Variants in LCLAT1 observed in about 807,000 individuals in gnomAD.
LCLAT1 encodes lysocardiolipin acyltransferase 1.
A neutral mutation model predicts 30.7 loss-of-function variants in LCLAT1; 11 were observed. The ratio of observed to expected loss-of-function variants is 0.36; its 90% CI spans 0.23 to 0.59. The LOEUF (loss-of-function observed/expected upper bound fraction) is 0.59. Among genes scored for constraint, LCLAT1 ranks in the 20% least tolerant of loss-of-function variants. The pLI is 0.77. For missense variants in LCLAT1, 402 were observed against 458.6 expected, an observed-to-expected ratio of 0.88 and a Z score of 1.13; for synonymous variants, 155 against 151.3, an observed-to-expected ratio of 1.02 and a Z score of -0.18.
At chr2:30,593,696 G>C (rs2363985) in intron 5 of LCLAT1, among the ~76,000 whole-genome samples, 8,056 of 152,104 alleles carry the variant, frequency 0.053, 707 homozygotes, top group African/African-American at 0.18. Context: ...GATTCTTGTA[G>C]AAATATGAAC....
At chr2:30,540,530 A>G (rs1367906932) in intron 3 of LCLAT1, among the ~76,000 whole-genome samples, 4 of 152,232 alleles carry the variant, frequency 2.6e-5, no homozygotes, top group Admixed American at 2.6e-4. Context: ...ATCAATTTAT[A>G]TGTCAAACAA....
chr2:30,637,559 A>G lies in LCLAT1; in HGVS notation c.629-2558A>G, dbSNP rs539980073. Among the ~76,000 whole-genome samples the G allele has an allele frequency of 5.3e-5, 8 of 152,106 alleles. No individual in the cohort carries two copies. In the East Asian group the frequency reaches 1.6e-3, roughly 30 times the overall value. ...ATAGCTCAGTCACAAAGCTTTTCCC[A>G]TGGGCTTCTGACTACTGGCCCAGTT... On this transcript the variant is annotated intron_variant, in intron 5 of 5. Transcript: ENST00000379509.
chr2:30,546,396 T>G (rs759321902), intron 3 of LCLAT1, among the ~76,000 whole-genome samples: 1 of 152,282 alleles, frequency 6.6e-6, no homozygotes, highest in Middle Eastern at 3.4e-3. Context: ...TTTTTAGAGA[T>G]CATGAATAAA....
chr2:30,490,846 G>A (rs1683803135), intron 1 of LCLAT1, among the ~76,000 whole-genome samples: 1 of 152,106 alleles, frequency 6.6e-6, no homozygotes, highest in African/African-American at 2.4e-5. Context: ...GTAATACATA[G>A]CACTGACTAT....
intron 2 of LCLAT1, among the ~76,000 whole-genome samples, chr2:30,527,971 A>G (rs73922660): frequency 0.011 from 1,614 of 152,242 alleles, 23 homozygotes; most frequent in African/African-American, 0.037. Flanking sequence ...TGATGTCATC[A>G]AAGGGTTCAG....
intron 3 of LCLAT1, 89 bp downstream of exon 3, chr2:30,533,403 C>A (rs754268537): frequency 3.6e-6 from 4 of 1,105,860 alleles, no homozygotes; most frequent in Non-Finnish European, 5.5e-6. Flanking sequence ...TAAAGCGATT[C>A]CATTTTTTTC....
intron 1 of LCLAT1, among the ~76,000 whole-genome samples, chr2:30,508,210 A>AT (rs1309796732): frequency 1.3e-5 from 2 of 151,798 alleles, no homozygotes; most frequent in Non-Finnish European, 2.9e-5. Context: ...GTTTGAAAAA[A>AT]TTTTTTCCCT....
intron 1 of LCLAT1, among the ~76,000 whole-genome samples, chr2:30,467,423 C>A (rs1303206290): frequency 6.6e-6 from 1 of 152,198 alleles, no homozygotes; most frequent in Non-Finnish European, 1.5e-5. Context: ...TTTATAGCAG[C>A]ATGATTTATA....
chr2:30,563,953 T>C (rs1052930758), intron 4 of LCLAT1, among the ~76,000 whole-genome samples: 5 of 152,152 alleles, frequency 3.3e-5, no homozygotes, highest in Non-Finnish European at 7.3e-5. Flanking sequence ...TTTATACTAG[T>C]CAGATCTCTA....
intron 1 of LCLAT1, among the ~76,000 whole-genome samples, chr2:30,513,840 C>T (rs1023632878): frequency 1.7e-4 from 26 of 152,284 alleles, no homozygotes; most frequent in African/African-American, 5.8e-4. Flanking sequence ...CGAGTTGTCC[C>T]GCCTTTCCAG....
At chr2:30,549,671 T>C (rs1664592370) in intron 3 of LCLAT1, among the ~76,000 whole-genome samples, 1 of 152,214 alleles carries the variant, frequency 6.6e-6, no homozygotes, top group African/African-American at 2.4e-5. Context: ...ATAGATAATT[T>C]GACTTCCATG....
chr2:30,544,073 T>C (rs1411163768), intron 3 of LCLAT1, among the ~76,000 whole-genome samples: 5 of 152,194 alleles, frequency 3.3e-5, no homozygotes, highest in Non-Finnish European at 4.4e-5. Context: ...AGTTGTGTGT[T>C]GTATTCACAT....
At chr2:30,494,057 A>G (rs1450785590) in intron 1 of LCLAT1, among the ~76,000 whole-genome samples, 1 of 151,952 alleles carries the variant, frequency 6.6e-6, no homozygotes, top group African/African-American at 2.4e-5. Context: ...AATAAAATAG[A>G]AGAATAAAAA....
chr2:30,449,651 C>T (rs1202665457), intron 1 of LCLAT1, among the ~76,000 whole-genome samples: 1 of 152,064 alleles, frequency 6.6e-6, no homozygotes, highest in African/African-American at 2.4e-5. Flanking sequence ...CAGACATGTG[C>T]CACTACGCCT....
chr2:30,533,409 T>C, intron 3 of LCLAT1, 95 bp downstream of exon 3: 1 of 1,038,834 alleles, frequency 9.6e-7, no homozygotes, highest in Non-Finnish European at 1.5e-6. Flanking sequence ...GATTCCATTT[T>C]TTTCCTCACT....
intron 1 of LCLAT1, among the ~76,000 whole-genome samples, chr2:30,471,177 G>T (rs1268075084): frequency 2.6e-5 from 4 of 151,674 alleles, no homozygotes; most frequent in Admixed American, 2.6e-4. Context: ...CTCCCAAAGT[G>T]CTGGGATTAC....
At chr2:30,509,257 A>C (rs761075985) in intron 1 of LCLAT1, among the ~76,000 whole-genome samples, 1 of 152,050 alleles carries the variant, frequency 6.6e-6, no homozygotes, top group African/African-American at 2.4e-5. Flanking sequence ...GATGCTCTTT[A>C]TTTCTTTCTC....
intron 2 of LCLAT1, among the ~76,000 whole-genome samples, chr2:30,531,220 G>A (rs182422060): frequency 2.6e-5 from 4 of 152,168 alleles, no homozygotes; most frequent in South Asian, 4.1e-4. Context: ...AGCCGAGATC[G>A]CGCCACTACA....
chr2:30,556,618 A>G (rs1664929471), intron 3 of LCLAT1, among the ~76,000 whole-genome samples: 1 of 152,216 alleles, frequency 6.6e-6, no homozygotes, highest in African/African-American at 2.4e-5. Context: ...AGGTTATTAG[A>G]TAATCAGGGT....
Sources: allele counts gnomAD v4.1 joint callset (sites outside exome capture counted in the v4.1 genomes callset), GRCh38; gene constraint gnomAD v4.1.1; transcripts MANE v1.5; gene names NCBI Gene and HGNC (gene_info 2026-07-23, HGNC 2026-07-21).